The following TENM2 variants were observed in gnomAD, a reference collection of about 807,000 sequenced individuals.
TENM2 encodes teneurin-2.
TENM2 carries 52 observed loss-of-function variants against 245.2 expected under a neutral mutation model. That is an observed-to-expected ratio of 0.21 (90% CI 0.17 to 0.27). The LOEUF (loss-of-function observed/expected upper bound fraction) is 0.27, where lower values mean the gene tolerates loss of function less well. Ranked by LOEUF, TENM2 falls within the 10% of genes least tolerant of loss-of-function variation. The probability of loss-of-function intolerance (pLI) is 1.00; values close to 1 mark genes in which losing one functional copy is unlikely to be tolerated. For missense variants in TENM2, 3,046 were observed against 3,666.8 expected (o/e 0.83, Z 4.37); for synonymous variants, 1,363 against 1,438.9 (o/e 0.95, Z 1.19).
chr5:167,283,963 ATT>A (rs1011655008), upstream of TENM2, among the ~76,000 whole-genome samples: 1 of 146,270 alleles, frequency 6.8e-6, no homozygotes, highest in Non-Finnish European at 1.5e-5. Flanking sequence ...AGCTTTCCTC[ATT>A]TTTTTTTTCG....
chr5:168,191,107 A>G (rs13161927), intron 14 of TENM2, among the ~76,000 whole-genome samples: 125,106 of 152,188 alleles, frequency 0.82, 51,879 homozygotes, highest in East Asian at 0.93. Context: ...TACCTATTGC[A>G]TGCAAGCCAT....
At chr5:167,577,323 T>A (rs1043636023) in intron 2 of TENM2, among the ~76,000 whole-genome samples, 1 of 152,158 alleles carries the variant, frequency 6.6e-6, no homozygotes, top group African/African-American at 2.4e-5. Context: ...TTGGAGAGCT[T>A]TCGGTTTTCT....
chr5:168,028,967 A>T (rs1396396686), intron 5 of TENM2, among the ~76,000 whole-genome samples: 3 of 152,112 alleles, frequency 2.0e-5, no homozygotes, highest in Non-Finnish European at 4.4e-5. Context: ...TTAGGGATAA[A>T]CCCTCTCTTA....
chr5:168,044,301 G>C (rs1221901546), intron 5 of TENM2, among the ~76,000 whole-genome samples: 2 of 152,160 alleles, frequency 1.3e-5, no homozygotes, highest in Non-Finnish European at 2.9e-5. Context: ...TGTAGTCCCA[G>C]ATACTCGGGA....
At chr5:168,101,845 C>G (rs1793839203) in intron 9 of TENM2, among the ~76,000 whole-genome samples, 1 of 49,704 alleles carries the variant, frequency 2.0e-5, no homozygotes, top group Admixed American at 3.0e-4. Flanking sequence ...ATGTTTTTCC[C>G]TTAGTATTTT....
At chr5:167,135,752 C>T in the TENM2 span, among the ~76,000 whole-genome samples, 10 of 152,100 alleles carry the variant, frequency 6.6e-5, no homozygotes, top group Non-Finnish European at 1.0e-4. Context: ...GCCGAGATTG[C>T]GCAACTGCAC....
At chr5:167,666,706 GTCTGAAATATTCATTCTTCTGTA>G (rs1755601566) in intron 2 of TENM2, among the ~76,000 whole-genome samples, 1 of 152,116 alleles carries the variant, frequency 6.6e-6, no homozygotes, top group Non-Finnish European at 1.5e-5. Flanking sequence ...TTCACAAATG[GTCTGAAATATTCATTCTTCTGTA>G]TCTGGAAAGC....
chr5:167,342,912 A>G (rs1248620690), intron 1 of TENM2, among the ~76,000 whole-genome samples: 18 of 151,020 alleles, frequency 1.2e-4, no homozygotes, highest in African/African-American at 4.1e-4. Flanking sequence ...CTTTAAGAGT[A>G]GGGAGTTATG....
chr5:167,180,825 C>A, the TENM2 span, among the ~76,000 whole-genome samples: 1 of 151,640 alleles, frequency 6.6e-6, no homozygotes, highest in African/African-American at 2.4e-5. Flanking sequence ...CATCTTCAAG[C>A]CTAGGAGGGG....
chr5:168,195,005 A>G (rs1016044261), intron 14 of TENM2, among the ~76,000 whole-genome samples, 171 bp from the exon 17 acceptor site: 1 of 152,146 alleles, frequency 6.6e-6, no homozygotes, highest in African/African-American at 2.4e-5. Flanking sequence ...GATGCTGCCC[A>G]TGGATTTCAC....
In TENM2 at chr5:167,511,624, T is replaced by C. The variant is rs368738875; in HGVS notation, c.502+136151T>C. ...TCAGTTTCCTTCTCCATGAATGAGA[T>C]AAATGGACAAGAATTGTGATTACAA... is the stretch of plus-strand genomic sequence containing the variant. On this transcript the variant is annotated intron_variant, in intron 2 of 28. Transcript: ENST00000518659. 8.7e-4 allele frequency among the ~76,000 whole-genome samples: 132 copies of C among 152,314 alleles called. 6 individuals are homozygous for C. The South Asian group carries it at 0.025, about 29-fold the overall frequency.
At chr5:167,026,366 G>A in the TENM2 span, among the ~76,000 whole-genome samples, 2 of 152,218 alleles carry the variant, frequency 1.3e-5, no homozygotes, top group Non-Finnish European at 2.9e-5. Context: ...GTGGTAATCT[G>A]CTGAGCTGAA....
intron 27 of TENM2, among the ~76,000 whole-genome samples, chr5:168,259,686 G>A (rs1768012119): frequency 1.3e-5 from 2 of 152,184 alleles, no homozygotes; most frequent in Admixed American, 6.5e-5. Flanking sequence ...TTTCCATAGT[G>A]AGCCAGCCTC....
At chr5:167,347,384 AAGG>A (rs781023631) in intron 1 of TENM2, among the ~76,000 whole-genome samples, 2 of 152,206 alleles carry the variant, frequency 1.3e-5, no homozygotes, top group Non-Finnish European at 2.9e-5. Flanking sequence ...TGCAGCAACA[AAGG>A]AGAAGCCTAG....
chr5:167,360,685 T>G (rs1759660560), intron 1 of TENM2, among the ~76,000 whole-genome samples: 1 of 152,230 alleles, frequency 6.6e-6, no homozygotes, highest in Admixed American at 6.5e-5. Context: ...TCTAAAATAT[T>G]TTATTCAGGA....
At chr5:167,717,000 AG>A (rs1157073981) in intron 2 of TENM2, among the ~76,000 whole-genome samples, 1 of 149,078 alleles carries the variant, frequency 6.7e-6, no homozygotes, top group Non-Finnish European at 1.5e-5. Context: ...TCTGTTGCCT[AG>A]ACTGCTGGAG....
At chr5:167,546,340 T>C (rs1254150788) in intron 2 of TENM2, among the ~76,000 whole-genome samples, 1 of 152,190 alleles carries the variant, frequency 6.6e-6, no homozygotes, top group Admixed American at 6.5e-5. Context: ...ATTCCTATAT[T>C]GAATGAGTCA....
At chr5:167,781,487 T>C (rs1764183038) in intron 2 of TENM2, among the ~76,000 whole-genome samples, 1 of 152,158 alleles carries the variant, frequency 6.6e-6, no homozygotes, top group Non-Finnish European at 1.5e-5. Flanking sequence ...ATCCCTGGGA[T>C]TGGAGAGAGC....
At chr5:167,494,147 G>T (rs1319769913) in intron 2 of TENM2, among the ~76,000 whole-genome samples, 1 of 152,104 alleles carries the variant, frequency 6.6e-6, no homozygotes, top group African/African-American at 2.4e-5. Context: ...AGTGGAAACA[G>T]TACTGGAAAT....
Sources: gnomAD v4.1 joint callset for allele counts (sites outside exome capture counted in the v4.1 genomes callset) on GRCh38, gnomAD v4.1.1 for gene constraint, MANE v1.5 for transcripts, NCBI Gene and HGNC (gene_info 2026-07-23, HGNC 2026-07-21) for gene names.